SLC8A1: variants seen among roughly 807,000 people sequenced by gnomAD.
SLC8A1 encodes solute carrier family 8 member A1, also known as sodium/calcium exchanger 1.
Under a neutral mutation model 68.3 loss-of-function variants are expected in SLC8A1, and 18 were observed. The ratio of observed to expected loss-of-function variants is 0.26; its 90% CI spans 0.18 to 0.39. SLC8A1 has a LOEUF of 0.39. Ranked by LOEUF, SLC8A1 falls within the 10% of genes least tolerant of loss-of-function variation. The pLI, the probability that SLC8A1 is intolerant of heterozygous loss-of-function variation, is 1.00. For missense variants in SLC8A1, 985 were observed against 1,156.7 expected (o/e 0.85, Z 2.15); for synonymous variants, 475 against 415.5 (o/e 1.14, Z -1.74).
chr2:40,173,110 T>C (rs900196692), intron 4 of SLC8A1, among the ~76,000 whole-genome samples: 2 of 152,196 alleles, frequency 1.3e-5, no homozygotes, highest in African/African-American at 4.8e-5. Context: ...ACTATTTCTA[T>C]AATGGTTGAC....
chr2:40,117,320 G>A (rs531105728), intron 7 of SLC8A1, among the ~76,000 whole-genome samples: 8 of 150,212 alleles, frequency 5.3e-5, no homozygotes, highest in South Asian at 2.1e-4. Context: ...CGAGATGGGC[G>A]GATCACTTGA....
At chr2:40,152,737 A>G (rs1388222922) in intron 6 of SLC8A1, among the ~76,000 whole-genome samples, 1 of 152,018 alleles carries the variant, frequency 6.6e-6, no homozygotes, top group Non-Finnish European at 1.5e-5. Context: ...TTTGAATAAG[A>G]TGGGTCTACC....
chr2:40,320,525 G>C (rs1028234855), intron 2 of SLC8A1, among the ~76,000 whole-genome samples: 1 of 152,158 alleles, frequency 6.6e-6, no homozygotes. Context: ...AAATAAGGAA[G>C]AATGGGATTT....
chr2:40,340,334 G>A (rs1158026511), intron 2 of SLC8A1, among the ~76,000 whole-genome samples: 3 of 152,162 alleles, frequency 2.0e-5, no homozygotes. Context: ...GCCGAGGCAG[G>A]TGGATCACTT....
chr2:40,367,052 T>A (rs1676444418), intron 2 of SLC8A1, among the ~76,000 whole-genome samples: 1 of 152,020 alleles, frequency 6.6e-6, no homozygotes, highest in Non-Finnish European at 1.5e-5. Flanking sequence ...AATGAATTAC[T>A]GAGGTTCTGG....
At chr2:40,390,568 G>A (rs1370883285) in intron 2 of SLC8A1, among the ~76,000 whole-genome samples, 1 of 152,048 alleles carries the variant, frequency 6.6e-6, no homozygotes, top group African/African-American at 2.4e-5. Flanking sequence ...ATGAAGTTCA[G>A]CAATCTGTAT....
At chr2:40,329,163 C>A (rs956712733) in intron 2 of SLC8A1, among the ~76,000 whole-genome samples, 10 of 151,848 alleles carry the variant, frequency 6.6e-5, no homozygotes, top group Non-Finnish European at 1.5e-4. Context: ...AACCTTTATT[C>A]CTGCAGTTTC....
At chr2:40,345,728 G>C (rs1669039219) in intron 2 of SLC8A1, among the ~76,000 whole-genome samples, 1 of 152,056 alleles carries the variant, frequency 6.6e-6, no homozygotes, top group Non-Finnish European at 1.5e-5. Context: ...ATCATTCTCA[G>C]CCAACTAACA....
At chr2:40,330,510 T>C (rs933641611) in intron 2 of SLC8A1, among the ~76,000 whole-genome samples, 1 of 152,204 alleles carries the variant, frequency 6.6e-6, no homozygotes, top group African/African-American at 2.4e-5. Context: ...AGAGTAGTAT[T>C]CCTTTATGTT....
intron 2 of SLC8A1, among the ~76,000 whole-genome samples, chr2:40,384,590 T>C (rs1335845559): frequency 6.6e-6 from 1 of 152,162 alleles, no homozygotes; most frequent in Non-Finnish European, 1.5e-5. Flanking sequence ...GCACCACCTA[T>C]TGGTTTCTAC....
At chr2:40,290,994 A>G (rs920833615) in intron 2 of SLC8A1, among the ~76,000 whole-genome samples, 1 of 152,224 alleles carries the variant, frequency 6.6e-6, no homozygotes, top group Non-Finnish European at 1.5e-5. Flanking sequence ...TCTAGACATA[A>G]AAATTCAATG....
intron 2 of SLC8A1, among the ~76,000 whole-genome samples, chr2:40,426,036 G>T (rs1488423785): frequency 1.3e-5 from 2 of 151,818 alleles, no homozygotes; most frequent in East Asian, 3.9e-4. Context: ...TTAATTTAAG[G>T]TTAAGTCCCA....
intron 2 of SLC8A1, among the ~76,000 whole-genome samples, chr2:40,300,347 T>C (rs1016554279): frequency 5.1e-4 from 77 of 152,166 alleles, no homozygotes; most frequent in African/African-American, 1.8e-3. Flanking sequence ...ACAGGTCACA[T>C]ACCTAATACA....
intron 1 of SLC8A1, among the ~76,000 whole-genome samples, chr2:40,457,391 A>T (rs1182218417): frequency 6.6e-6 from 1 of 152,134 alleles, no homozygotes; most frequent in East Asian, 1.9e-4. Flanking sequence ...TATGATATAT[A>T]TCTCCCTCGC....
At chr2:40,320,734 C>T (rs2075083531) in intron 2 of SLC8A1, among the ~76,000 whole-genome samples, 1 of 152,118 alleles carries the variant, frequency 6.6e-6, no homozygotes. Context: ...AGGTTTTCCT[C>T]CATTTTCAAT....
At chr2:40,150,710 G>A (rs572126729) in intron 6 of SLC8A1, among the ~76,000 whole-genome samples, 2 of 152,088 alleles carry the variant, frequency 1.3e-5, no homozygotes, top group Admixed American at 6.6e-5. Flanking sequence ...TTTATAATAC[G>A]CAATTTAAGA....
At chr2:40,202,827 A>G (rs1460746244) in intron 2 of SLC8A1, among the ~76,000 whole-genome samples, 11 of 152,132 alleles carry the variant, frequency 7.2e-5, no homozygotes, top group Non-Finnish European at 1.6e-4. Flanking sequence ...TCTGGCCTGC[A>G]AGCATGTGTT....
chr2:40,405,110 G>C (rs943310731), intron 2 of SLC8A1, among the ~76,000 whole-genome samples: 1 of 152,132 alleles, frequency 6.6e-6, no homozygotes, highest in African/African-American at 2.4e-5. Flanking sequence ...TGTAAATGAA[G>C]CAGTCCTCAC....
intron 2 of SLC8A1, among the ~76,000 whole-genome samples, chr2:40,207,894 A>C (rs2055785831): frequency 6.6e-6 from 1 of 152,130 alleles, no homozygotes; most frequent in African/African-American, 2.4e-5. Context: ...ATAAGGCACC[A>C]AAATATGTGC....
Sources: allele counts gnomAD v4.1 joint callset (sites outside exome capture counted in the v4.1 genomes callset), GRCh38; gene constraint gnomAD v4.1.1; transcripts MANE v1.5; gene names NCBI Gene and HGNC (gene_info 2026-07-23, HGNC 2026-07-21).